Variants in ADGRL2 observed in about 807,000 individuals in gnomAD.
ADGRL2 encodes adhesion G protein-coupled receptor L2.
In ADGRL2, 44 loss-of-function variants were observed where a neutral mutation model predicts 157.4. That is an observed-to-expected ratio of 0.28 (90% CI 0.22 to 0.36). The LOEUF is 0.36. Ranked by LOEUF, ADGRL2 falls within the 10% of genes least tolerant of loss-of-function variation. The pLI, the probability that ADGRL2 is intolerant of heterozygous loss-of-function variation, is 1.00. For synonymous variants in ADGRL2, 585 were observed against 624.7 expected (o/e 0.94, Z 0.95); for missense variants, 1,510 against 1,768.9 (o/e 0.85, Z 2.63).
At chr1:81,482,684 T>C (rs1293693061) in intron 2 of ADGRL2, among the ~76,000 whole-genome samples, 2 of 152,046 alleles carry the variant, frequency 1.3e-5, no homozygotes, top group African/African-American at 4.8e-5. Context: ...AACATCTTTA[T>C]GTTTGTAAAC....
intron 3 of ADGRL2, among the ~76,000 whole-genome samples, chr1:81,914,616 C>T (rs1572095233): frequency 6.6e-6 from 1 of 152,268 alleles, no homozygotes; most frequent in Non-Finnish European, 1.5e-5. Context: ...GGGTAAAATA[C>T]ATACGGGGGA....
Position 81,969,405 on chromosome 1 carries a change from T to A in ADGRL2, c.2733+18T>A. ...AATATGCGGTAAGCACCAGTTGAGT[T>A]CATTGACCTTAGATCTCTGAAAATT... On this transcript the variant is annotated intron_variant, in intron 15 of 23. Transcript: ENST00000686636. The A allele has an allele frequency of 6.4e-7, 1 of 1,551,218 alleles. No homozygotes were observed. The highest frequency in any genetic ancestry group is 1.1e-5 in the South Asian group (1 of 89,554).
At chr1:81,405,358 C>A (rs4564190) in intron 1 of ADGRL2, among the ~76,000 whole-genome samples, 146,705 of 152,288 alleles carry the variant, frequency 0.96, 70,768 homozygotes, top group Non-Finnish European at 0.99. Context: ...TGAATACCCC[C>A]AATGTGATAT....
In ADGRL2 at chr1:81,872,783, T is replaced by G. The variant is rs536421224; in HGVS notation, c.74-34234T>G. Among the ~76,000 whole-genome samples, 25 of 152,262 alleles carry G rather than the reference T, an allele frequency of 1.6e-4. No homozygotes were observed. In the South Asian group the frequency reaches 5.2e-3, roughly 32 times the overall value. On this transcript the variant is annotated intron_variant, in intron 2 of 23. Transcript: ENST00000686636. ...ATTTTTCTGGATTTTTAAGGACTAA[T>G]ACATAAACAATATAATCATGATTTT... is the stretch of plus-strand genomic sequence containing the variant.
chr1:81,766,466 G>A (rs921754609), intron 2 of ADGRL2, among the ~76,000 whole-genome samples: 3 of 151,958 alleles, frequency 2.0e-5, no homozygotes. Context: ...TAGTTTAGAA[G>A]GTTAAACTAC....
upstream of ADGRL2, among the ~76,000 whole-genome samples, chr1:81,694,919 C>T (rs1262337141): frequency 6.6e-6 from 1 of 152,088 alleles, no homozygotes. Flanking sequence ...TACATATATG[C>T]ATCCCTTTTA....
At chr1:81,829,161 C>T (rs1431535849) in intron 1 of ADGRL2, among the ~76,000 whole-genome samples, 1 of 152,172 alleles carries the variant, frequency 6.6e-6, no homozygotes, top group Non-Finnish European at 1.5e-5. Flanking sequence ...ATCCACCTGC[C>T]TTGGCCTCCC....
chr1:81,737,250 A>T (rs1206486360), intron 1 of ADGRL2, among the ~76,000 whole-genome samples: 1 of 152,220 alleles, frequency 6.6e-6, no homozygotes, highest in Non-Finnish European at 1.5e-5. Context: ...TGAAGAAAAG[A>T]GGTTTAATTG....
chr1:81,534,185 C>T (rs758843138), intron 2 of ADGRL2, among the ~76,000 whole-genome samples: 6 of 151,356 alleles, frequency 4.0e-5, no homozygotes, highest in Admixed American at 1.3e-4. Flanking sequence ...TTTTTGAAAC[C>T]GAGTCTTGCT....
At chr1:81,453,527 G>T (rs1168251628) in intron 2 of ADGRL2, among the ~76,000 whole-genome samples, 4 of 151,990 alleles carry the variant, frequency 2.6e-5, no homozygotes, top group African/African-American at 4.8e-5. Flanking sequence ...GAAGAAAAGA[G>T]AAACATTTAT....
chr1:81,755,655 T>C (rs898464863), intron 1 of ADGRL2, among the ~76,000 whole-genome samples: 4 of 152,144 alleles, frequency 2.6e-5, no homozygotes, highest in East Asian at 1.9e-4. Context: ...ACCAAATCTA[T>C]GAAATATGCA....
At chr1:81,317,667 T>C (rs1429561274) in intron 1 of ADGRL2, among the ~76,000 whole-genome samples, 2 of 152,172 alleles carry the variant, frequency 1.3e-5, no homozygotes, top group Non-Finnish European at 2.9e-5. Context: ...TAAAATACTA[T>C]CTCAGGAATT....
chr1:81,568,674 G>C (rs918344562), intron 2 of ADGRL2, among the ~76,000 whole-genome samples: 1 of 151,992 alleles, frequency 6.6e-6, no homozygotes, highest in African/African-American at 2.4e-5. Flanking sequence ...ATTAAAGAAG[G>C]GTTAGATAAC....
At chr1:81,931,945 A>G (rs914165518) in intron 3 of ADGRL2, among the ~76,000 whole-genome samples, 1 of 152,102 alleles carries the variant, frequency 6.6e-6, no homozygotes, top group Non-Finnish European at 1.5e-5. Flanking sequence ...TGACCCCGAA[A>G]TTGTTTAGAC....
intron 2 of ADGRL2, among the ~76,000 whole-genome samples, chr1:81,782,159 G>C (rs1245914637): frequency 6.6e-6 from 1 of 152,160 alleles, no homozygotes; most frequent in African/African-American, 2.4e-5. Context: ...AGCAAGCCCT[G>C]CCAGTGCCTA....
intron 2 of ADGRL2, among the ~76,000 whole-genome samples, chr1:81,533,305 T>C (rs1388949933): frequency 6.6e-6 from 1 of 152,102 alleles, no homozygotes; most frequent in Non-Finnish European, 1.5e-5. Flanking sequence ...CTTGAACCCA[T>C]GAGGCGGAGG....
At chr1:81,972,243 A>G (rs983842446) in intron 17 of ADGRL2, among the ~76,000 whole-genome samples, 1 of 152,114 alleles carries the variant, frequency 6.6e-6, no homozygotes, top group Non-Finnish European at 1.5e-5. Flanking sequence ...TATTACCTTA[A>G]TTTTTATTAT....
At chr1:81,777,033 T>G (rs1374524670) in intron 2 of ADGRL2, among the ~76,000 whole-genome samples, 1 of 152,202 alleles carries the variant, frequency 6.6e-6, no homozygotes, top group Non-Finnish European at 1.5e-5. Flanking sequence ...ATAAAAATTT[T>G]CAGGCTAAAA....
At chr1:81,563,789 T>G (rs551462820) in intron 2 of ADGRL2, among the ~76,000 whole-genome samples, 1 of 152,316 alleles carries the variant, frequency 6.6e-6, no homozygotes, top group South Asian at 2.1e-4. Context: ...AGTACTGAAT[T>G]TCCTCTTCCT....
Sources: gnomAD v4.1 joint callset for allele counts (sites outside exome capture counted in the v4.1 genomes callset) on GRCh38, gnomAD v4.1.1 for gene constraint, MANE v1.5 for transcripts, NCBI Gene and HGNC (gene_info 2026-07-23, HGNC 2026-07-21) for gene names.